Variants in LRRC37A2 observed in about 807,000 individuals in gnomAD.
The protein encoded by LRRC37A2 is leucine-rich repeat-containing protein 37A2.
Under a neutral mutation model 68.8 loss-of-function variants are expected in LRRC37A2, and 9 were observed. That is an observed-to-expected ratio of 0.13 (90% CI 0.08 to 0.23). The LOEUF is 0.23. Among genes scored for constraint, LRRC37A2 ranks in the 10% least tolerant of loss-of-function variants. The pLI is 1.00. For missense variants in LRRC37A2, 168 were observed against 950.4 expected (o/e 0.18, Z 10.82); for synonymous variants, 63 against 367.6 (o/e 0.17, Z 9.48).
the LRRC37A2 span, among the ~76,000 whole-genome samples, chr17:46,786,263 G>A: frequency 6.6e-6 from 1 of 152,156 alleles, no homozygotes; most frequent in Non-Finnish European, 1.5e-5. Flanking sequence ...GGTGGAAGAA[G>A]GAGGAGGACA....
chr17:46,989,080 G>A, the LRRC37A2 span, among the ~76,000 whole-genome samples: 1 of 152,166 alleles, frequency 6.6e-6, no homozygotes, highest in Non-Finnish European at 1.5e-5. Flanking sequence ...CTCGAGCATA[G>A]GAAATCATTT....
At chr17:46,857,474 CAAAAAAA>C in the LRRC37A2 span, among the ~76,000 whole-genome samples, 23 of 94,654 alleles carry the variant, frequency 2.4e-4, no homozygotes, top group African/African-American at 6.9e-4. Context: ...GACTCTGTCT[CAAAAAAA>C]AAAAAAAAAA....
chr17:46,733,918 A>G, the LRRC37A2 span, among the ~76,000 whole-genome samples: 1 of 152,230 alleles, frequency 6.6e-6, no homozygotes, highest in Non-Finnish European at 1.5e-5. Context: ...ATATTACCTA[A>G]TAAGAGAGAA....
At chr17:46,782,655 C>G in the LRRC37A2 span, among the ~76,000 whole-genome samples, 4 of 152,180 alleles carry the variant, frequency 2.6e-5, no homozygotes, top group Non-Finnish European at 4.4e-5. Flanking sequence ...CATGTGTGCA[C>G]ACCGTGGGGC....
chr17:46,968,267 C>A, the LRRC37A2 span, among the ~76,000 whole-genome samples: 2 of 152,168 alleles, frequency 1.3e-5, no homozygotes, highest in African/African-American at 4.8e-5. Flanking sequence ...CCAGACCCAG[C>A]CTCTTCCTCT....
At chr17:46,928,781 T>C in the LRRC37A2 span, among the ~76,000 whole-genome samples, 1 of 152,186 alleles carries the variant, frequency 6.6e-6, no homozygotes, top group Admixed American at 6.5e-5. Context: ...CTACTTGTAA[T>C]CCACATGTCT....
chr17:46,954,353 C>A, the LRRC37A2 span, among the ~76,000 whole-genome samples: 24 of 152,072 alleles, frequency 1.6e-4, no homozygotes, highest in Non-Finnish European at 8.8e-5. Flanking sequence ...AGTAGATAAG[C>A]GGCATTATTT....
the LRRC37A2 span, among the ~76,000 whole-genome samples, chr17:46,957,938 G>A: frequency 6.6e-6 from 1 of 152,230 alleles, no homozygotes; most frequent in East Asian, 1.9e-4. Flanking sequence ...CATGGCAATG[G>A]AAGTGAGAGG....
chr17:46,842,631 C>A, the LRRC37A2 span, among the ~76,000 whole-genome samples: 36 of 152,298 alleles, frequency 2.4e-4, no homozygotes, highest in South Asian at 7.2e-3. Flanking sequence ...TCTCAGTCTC[C>A]CAAAGTGCTG....
chr17:46,923,803 A>T, the LRRC37A2 span: 1 of 403,856 alleles, frequency 2.5e-6, no homozygotes. Flanking sequence ...CTCATAACTT[A>T]AATTCCTTGG....
At chr17:46,889,150 C>T in the LRRC37A2 span, among the ~76,000 whole-genome samples, 165 of 152,208 alleles carry the variant, frequency 1.1e-3, no homozygotes, top group Non-Finnish European at 1.7e-3. Flanking sequence ...GACTTAGAAC[C>T]CATGGAGGCA....
chr17:46,972,560 C>T, the LRRC37A2 span, among the ~76,000 whole-genome samples: 2 of 152,236 alleles, frequency 1.3e-5, no homozygotes, highest in African/African-American at 2.4e-5. Flanking sequence ...ACAATGTGAC[C>T]GTTGGTGACG....
chr17:46,944,947 A>C, the LRRC37A2 span, among the ~76,000 whole-genome samples: 1 of 152,244 alleles, frequency 6.6e-6, no homozygotes, highest in South Asian at 2.1e-4. Context: ...GAGATTGAGA[A>C]CCACGGCTGT....
the LRRC37A2 span, among the ~76,000 whole-genome samples, chr17:46,721,182 C>T: frequency 2.6e-5 from 4 of 152,356 alleles, no homozygotes; most frequent in South Asian, 8.3e-4. Flanking sequence ...TCCCCACACT[C>T]TGGGTTGTCT....
the LRRC37A2 span, among the ~76,000 whole-genome samples, chr17:46,861,754 A>C: frequency 6.6e-6 from 1 of 152,260 alleles, no homozygotes; most frequent in Non-Finnish European, 1.5e-5. Context: ...AGCTCTGGTC[A>C]GTCCTGGAAA....
At chr17:46,827,843 T>C in the LRRC37A2 span, among the ~76,000 whole-genome samples, 123 of 151,140 alleles carry the variant, frequency 8.1e-4, no homozygotes, top group African/African-American at 2.9e-3. Flanking sequence ...AGAGTCTTGC[T>C]CTGTCTCCCA....
chr17:46,671,520 G>A, the LRRC37A2 span, among the ~76,000 whole-genome samples: 2 of 12,634 alleles, frequency 1.6e-4, no homozygotes, highest in Admixed American at 6.2e-4. Flanking sequence ...AGCTTCCTTT[G>A]TGGAAGTACA....
At chr17:46,952,155 C>T in the LRRC37A2 span, among the ~76,000 whole-genome samples, 1 of 152,170 alleles carries the variant, frequency 6.6e-6, no homozygotes, top group Non-Finnish European at 1.5e-5. Flanking sequence ...TACCCAGCAT[C>T]TCGTCTTTGG....
the LRRC37A2 span, among the ~76,000 whole-genome samples, chr17:46,666,144 G>A: frequency 1.1e-4 from 17 of 149,112 alleles, no homozygotes; most frequent in Admixed American, 5.4e-4. Flanking sequence ...GGGGAACTTT[G>A]GAAAATAAAT....
Sources: gnomAD v4.1 joint callset for allele counts (sites outside exome capture counted in the v4.1 genomes callset) on GRCh38, gnomAD v4.1.1 for gene constraint, MANE v1.5 for transcripts, NCBI Gene and HGNC (gene_info 2026-07-23, HGNC 2026-07-21) for gene names.